PPP3CA: variants seen among roughly 807,000 people sequenced by gnomAD.
PPP3CA encodes CAM-PRP catalytic subunit.
A neutral mutation model predicts 66.5 loss-of-function variants in PPP3CA; 14 were observed. That is an observed-to-expected ratio of 0.21 (90% confidence interval 0.14 to 0.33). The LOEUF (loss-of-function observed/expected upper bound fraction) is 0.33, where lower values mean the gene tolerates loss of function less well. Among genes scored for constraint, PPP3CA ranks in the 10% least tolerant of loss-of-function variants. PPP3CA has a pLI of 1.00. For synonymous variants in PPP3CA, 232 were observed against 226.2 expected (o/e 1.03, Z -0.23); for missense variants, 317 against 639.5 (o/e 0.50, Z 5.44).
chr4:101,091,573 T>C (rs946085174), intron 6 of PPP3CA, among the ~76,000 whole-genome samples: 1 of 151,998 alleles, frequency 6.6e-6, no homozygotes, highest in Non-Finnish European at 1.5e-5. Context: ...CTTTAATTTA[T>C]CAATCACATC....
chr4:101,226,982 T>A (rs1725803313), intron 1 of PPP3CA, among the ~76,000 whole-genome samples: 1 of 151,742 alleles, frequency 6.6e-6, no homozygotes, highest in African/African-American at 2.4e-5. Context: ...GTACAAATGT[T>A]TATAGTTCTT....
chr4:101,249,202 T>G (rs530662427), intron 1 of PPP3CA, among the ~76,000 whole-genome samples: 1 of 151,906 alleles, frequency 6.6e-6, no homozygotes, highest in Non-Finnish European at 1.5e-5. Flanking sequence ...TTACTGCTTT[T>G]GGGGATTTTA....
intron 1 of PPP3CA, among the ~76,000 whole-genome samples, chr4:101,295,311 A>C (rs985677642): frequency 6.8e-6 from 1 of 147,318 alleles, no homozygotes; most frequent in African/African-American, 2.5e-5. Flanking sequence ...CCGTCTCAAA[A>C]AAAAAAAAAA....
intron 5 of PPP3CA, among the ~76,000 whole-genome samples, chr4:101,097,063 T>C (rs1184790653): frequency 2.0e-5 from 3 of 152,142 alleles, no homozygotes; most frequent in Admixed American, 6.5e-5. Context: ...TGGTTATTCT[T>C]AAGTGAACCT....
In PPP3CA at chr4:101,074,872, C is replaced by T. The variant is rs191041666; in HGVS notation, c.955+5660G>A. ...ATGATGCTGTAGTAGTCTGTTCTCA[C>T]GCTGCTAATAAAGACATACCTGAGA... is the stretch of plus-strand genomic sequence containing the variant. On this transcript the variant is annotated intron_variant, in intron 8 of 13. Coordinates refer to ENST00000394854, the MANE Select transcript of PPP3CA (RefSeq NM_000944.5). 3.3e-3 allele frequency among the ~76,000 whole-genome samples: 501 copies of T among 152,246 alleles called. 5 individuals are homozygous for T. The highest frequency in any genetic ancestry group is 5.9e-3 in the Non-Finnish European group (398 of 68,012).
At position 101,129,484 on chromosome 4, in the gene PPP3CA, T is replaced by A. The variant is rs566964854; in HGVS notation, c.260-20406A>T. Among the ~76,000 whole-genome samples, 9 of 152,222 alleles carry A rather than the reference T, an allele frequency of 5.9e-5. No individual in the cohort carries two copies. In the East Asian group the frequency reaches 1.7e-3, roughly 29 times the overall value. The stretch of plus-strand genomic sequence containing the variant: ...CTCCCAGCAGGGGTCAACAGACATC[T>A]CATATAGGAAAGCTCTGGCTGGCAT... On this transcript the variant is annotated intron_variant, in intron 2 of 13. Coordinates refer to ENST00000394854, the MANE Select transcript of PPP3CA (RefSeq NM_000944.5).
At chr4:101,167,833 A>G (rs1723741521) in intron 2 of PPP3CA, among the ~76,000 whole-genome samples, 1 of 152,208 alleles carries the variant, frequency 6.6e-6, no homozygotes, top group South Asian at 2.1e-4. Context: ...AAGGGAAGCC[A>G]GAGGGGCTGA....
At chr4:101,117,442 A>ATTCTTTTT (rs58221523) in intron 2 of PPP3CA, among the ~76,000 whole-genome samples, 8 of 148,432 alleles carry the variant, frequency 5.4e-5, no homozygotes, top group Admixed American at 7.0e-5. Flanking sequence ...CACCACTGAG[A>ATTCTTTTT]TTTTTTTTTG....
At chr4:101,027,866 CT>C (rs1162761362) in intron 13 of PPP3CA, among the ~76,000 whole-genome samples, 1 of 152,152 alleles carries the variant, frequency 6.6e-6, no homozygotes, top group Non-Finnish European at 1.5e-5. Context: ...AGAATGTGCT[CT>C]GCTGTAGTTG....
intron 1 of PPP3CA, among the ~76,000 whole-genome samples, chr4:101,197,970 T>G (rs866932950): frequency 6.6e-6 from 1 of 152,220 alleles, no homozygotes; most frequent in African/African-American, 2.4e-5. Flanking sequence ...CTTCTTAGAA[T>G]TGAAATTCTA....
intron 7 of PPP3CA, 65 bp downstream of exon 7, chr4:101,083,121 G>A: frequency 7.9e-7 from 1 of 1,259,988 alleles, no homozygotes; most frequent in Non-Finnish European, 1.1e-6. Flanking sequence ...CAGAGCCTAA[G>A]CAAAGTGAGG....
intron 1 of PPP3CA, among the ~76,000 whole-genome samples, chr4:101,252,519 A>G (rs1441814153): frequency 6.6e-6 from 1 of 152,174 alleles, no homozygotes; most frequent in African/African-American, 2.4e-5. Flanking sequence ...AACAGGTGAA[A>G]GGAGTCTAGG....
intron 1 of PPP3CA, among the ~76,000 whole-genome samples, chr4:101,297,514 A>T (rs1728234078): frequency 6.6e-6 from 1 of 152,202 alleles, no homozygotes; most frequent in African/African-American, 2.4e-5. Flanking sequence ...CTTAGGAAAC[A>T]TATAGTTTGA....
chr4:101,199,580 C>T (rs1467427088), intron 1 of PPP3CA, among the ~76,000 whole-genome samples: 2 of 152,154 alleles, frequency 1.3e-5, no homozygotes, highest in South Asian at 2.1e-4. Flanking sequence ...CCACTCAATG[C>T]CACTTTTTTC....
chr4:101,081,816 T>A (rs1054013651), intron 7 of PPP3CA, among the ~76,000 whole-genome samples: 1 of 152,202 alleles, frequency 6.6e-6, no homozygotes. Flanking sequence ...AAGTATGTAT[T>A]CTGATTATGG....
At chr4:101,173,783 G>C (rs960191080) in intron 2 of PPP3CA, among the ~76,000 whole-genome samples, 1 of 152,162 alleles carries the variant, frequency 6.6e-6, no homozygotes, top group African/African-American at 2.4e-5. Context: ...GAGCATGGTG[G>C]ATCATGCTTG....
At chr4:101,085,796 CA>C (rs1560594155) in intron 6 of PPP3CA, among the ~76,000 whole-genome samples, 1 of 151,660 alleles carries the variant, frequency 6.6e-6, no homozygotes, top group East Asian at 1.9e-4. Flanking sequence ...GAAATTATCA[CA>C]AATCACAAAA....
intron 1 of PPP3CA, among the ~76,000 whole-genome samples, chr4:101,222,294 C>T (rs750509340): frequency 2.0e-4 from 30 of 151,552 alleles, no homozygotes; most frequent in Admixed American, 5.9e-4. Context: ...GTGAGAACCA[C>T]ATGATAATAT....
chr4:101,323,492 G>C lies in PPP3CA; in HGVS notation c.58+23247C>G, dbSNP rs150495460. On this transcript the variant is annotated intron_variant, in intron 1 of 13. Transcript: ENST00000394854. ...ATTAACCCACTTCCCAATGTAATGA[G>C]GAGTAAATGGCGTCAGAATATATTT... 4.6e-3 allele frequency among the ~76,000 whole-genome samples: 701 copies of C among 152,190 alleles called. 4 individuals carry two copies. The highest frequency in any genetic ancestry group is 0.016 in the African/African-American group (664 of 41,522).
Sources: gnomAD v4.1 joint callset for allele counts (sites outside exome capture counted in the v4.1 genomes callset) on GRCh38, gnomAD v4.1.1 for gene constraint, MANE v1.5 for transcripts, NCBI Gene and HGNC (gene_info 2026-07-23, HGNC 2026-07-21) for gene names.